RNASE4: variants seen among roughly 807,000 people sequenced by gnomAD.
RNASE4 encodes ribonuclease A family member 4.
For missense variants in RNASE4, 194 were observed against 192.8 expected, an observed-to-expected ratio of 1.01 and a Z score of -0.04; for synonymous variants, 93 against 71.4, an observed-to-expected ratio of 1.30 and a Z score of -1.52.
At chr14:20,695,727 G>C (rs1887072012) in intron 1 of RNASE4, among the ~76,000 whole-genome samples, 1 of 152,208 alleles carries the variant, frequency 6.6e-6, no homozygotes, top group Admixed American at 6.5e-5. Flanking sequence ...AAAAGCCGTG[G>C]CTCCCCAATA....
At chr14:20,694,867 T>TACACAC (rs10625796) in intron 1 of RNASE4, among the ~76,000 whole-genome samples, 12 of 151,286 alleles carry the variant, frequency 7.9e-5, no homozygotes, top group South Asian at 6.3e-4. Context: ...CTCTCACTCT[T>TACACAC]ACACACACAC....
rs1201206102 is a variant in RNASE4, at chr14:20,700,670, C to G, written c.*855C>G. ...CTTGTTTAGTTTATAAACATGCATG[C>G]ACCTTAATAACCTCATAAACTCTGG... is the stretch of plus-strand genomic sequence containing the variant. On this transcript the variant is annotated 3_prime_UTR_variant, in exon 2 of 2. Coordinates refer to ENST00000555835, the MANE Select transcript of RNASE4 (RefSeq NM_002937.5). 1 of 166,812 alleles carries G rather than the reference C, an allele frequency of 6.0e-6. No individual in the cohort carries two copies. Among genetic ancestry groups the G allele is most frequent in the Non-Finnish European group, 1.5e-5 (1 of 68,098 alleles). The allele number at this position is 166,812 out of a possible 1,614,324, so 10.3% of individuals were successfully genotyped here.
At chr14:20,686,412 G>C (rs1886429330) in intron 1 of RNASE4, among the ~76,000 whole-genome samples, 1 of 152,204 alleles carries the variant, frequency 6.6e-6, no homozygotes, top group Non-Finnish European at 1.5e-5. Context: ...TGGTCACTGT[G>C]ACTCAAATTA....
Position 20,699,441 on chromosome 14 carries a change from C to A in RNASE4, c.70C>A (p.Gln24Lys). 2 of 1,612,942 alleles carry A rather than the reference C, an allele frequency of 1.2e-6. No individual in the cohort carries two copies. Among genetic ancestry groups the A allele is most frequent in the African/African-American group, 2.7e-5 (2 of 75,032 alleles). The change falls in exon 2 of 2, where the codon CAG becomes AAG. Residue 24 changes from glutamine to lysine, a missense_variant. By Grantham distance (53) the Gln-to-Lys change is moderately conservative (BLOSUM62 1). Coordinates refer to ENST00000555835, the MANE Select transcript of RNASE4 (RefSeq NM_002937.5). ...GACCCTGCTGGGGCTGGGGCTGGTCCAGCCCTCCTATGGCCAGGATGGCAT... is the reference window on the plus strand; with the variant it reads ...GACCCTGCTGGGGCTGGGGCTGGTCAAGCCCTCCTATGGCCAGGATGGCAT... Reference protein sequence around the residue: ...LLTLLGLGLVQPSYGQDGMYQ... With the variant: ...LLTLLGLGLVKPSYGQDGMYQ...
Position 20,693,555 on chromosome 14 carries a change from G to T in RNASE4, c.-17-5800G>T, listed in dbSNP as rs199509897. The T allele has an allele frequency of 1.9e-6, 3 of 1,611,760 alleles. No individual in the cohort carries two copies. Among genetic ancestry groups the T allele is most frequent in the Non-Finnish European group, 2.5e-6 (3 of 1,180,044 alleles). The stretch of plus-strand genomic sequence containing the variant: ...CCTTTTGCCCTCCGCAGGAGCCTGT[G>T]TTGGAAGAGATGGTGATGGGCCTGG... On this transcript the variant is annotated intron_variant, in intron 1 of 1. Coordinates refer to ENST00000555835, the MANE Select transcript of RNASE4 (RefSeq NM_002937.5).
chr14:20,694,489 A>G (rs554034411), intron 1 of RNASE4, among the ~76,000 whole-genome samples: 26 of 152,006 alleles, frequency 1.7e-4, no homozygotes, highest in Non-Finnish European at 2.1e-4. Context: ...TAGTAGAGAC[A>G]GGGTTTCACC....
chr14:20,694,054 C>T (rs2139026300), intron 1 of RNASE4: 1 of 1,606,086 alleles, frequency 6.2e-7, no homozygotes. Flanking sequence ...CCTTGCCTTC[C>T]ATTTCCCCTC....
At chr14:20,685,424 G>A (rs1886377434) in intron 1 of RNASE4, among the ~76,000 whole-genome samples, 1 of 152,072 alleles carries the variant, frequency 6.6e-6, no homozygotes, top group African/African-American at 2.4e-5. Flanking sequence ...ACCCTCCCTC[G>A]TGACAGTAAA....
At chr14:20,686,740 G>C (rs1451851181) in intron 1 of RNASE4, among the ~76,000 whole-genome samples, 1 of 152,208 alleles carries the variant, frequency 6.6e-6, no homozygotes, top group East Asian at 1.9e-4. Context: ...TGCCACGTGT[G>C]CTTTTCCTTC....
chr14:20,700,091 A>T lies in RNASE4; in HGVS notation c.*276A>T, dbSNP rs1887245671. Reference sequence around the variant, plus strand: ...TCCTATCCTGTGGAATTTAGTTATTATGTGTATTTATGTAGTATTTCAAAC... The same window carrying T: ...TCCTATCCTGTGGAATTTAGTTATTTTGTGTATTTATGTAGTATTTCAAAC... On this transcript the variant is annotated 3_prime_UTR_variant, in exon 2 of 2. Transcript: ENST00000555835. 2.5e-6 allele frequency: 1 copy of T among 402,776 alleles called. No homozygotes were observed. The highest frequency in any genetic ancestry group is 4.7e-6 in the Non-Finnish European group (1 of 214,420). The allele number at this position is 402,776 out of a possible 1,614,324, so 25.0% of individuals were successfully genotyped here.
chr14:20,694,138 T>C (rs911578969), intron 1 of RNASE4: 6 of 978,476 alleles, frequency 6.1e-6, no homozygotes, highest in African/African-American at 3.2e-5. Context: ...TTTTGTTTTC[T>C]GTTTGACAAC....
At chr14:20,693,074 C>T (rs986117024) in intron 1 of RNASE4, among the ~76,000 whole-genome samples, 1 of 151,980 alleles carries the variant, frequency 6.6e-6, no homozygotes, top group African/African-American at 2.4e-5. Context: ...GTCTCGATCT[C>T]CTGACCTCGT....
At chr14:20,690,800 A>C (rs1886704879) in intron 1 of RNASE4, among the ~76,000 whole-genome samples, 1 of 152,246 alleles carries the variant, frequency 6.6e-6, no homozygotes, top group South Asian at 2.1e-4. Context: ...TAAGGGTTAT[A>C]ATAAGGCAAG....
intron 1 of RNASE4, chr14:20,693,476 G>A (rs1357877087): frequency 2.5e-6 from 4 of 1,587,050 alleles, no homozygotes; most frequent in Non-Finnish European, 3.4e-6. Context: ...AGAGAGCAAA[G>A]CTCCTGTCCT....
At chr14:20,690,794 G>T (rs559370219) in intron 1 of RNASE4, among the ~76,000 whole-genome samples, 1 of 152,220 alleles carries the variant, frequency 6.6e-6, no homozygotes, top group Non-Finnish European at 1.5e-5. Flanking sequence ...AAATATTAAG[G>T]GTTATAATAA....
chr14:20,695,105 T>G (rs184685870), intron 1 of RNASE4, among the ~76,000 whole-genome samples: 26 of 152,278 alleles, frequency 1.7e-4, no homozygotes, highest in Admixed American at 1.6e-3. Context: ...GGGGAAGTTA[T>G]AGAAGATTCC....
intron 1 of RNASE4, among the ~76,000 whole-genome samples, chr14:20,692,228 G>C (rs1886794166): frequency 6.6e-6 from 1 of 152,198 alleles, no homozygotes; most frequent in Admixed American, 6.5e-5. Context: ...GAATTTCTCA[G>C]TATGTGTGAT....
At chr14:20,695,507 A>G (rs1241192184) in intron 1 of RNASE4, among the ~76,000 whole-genome samples, 1 of 152,214 alleles carries the variant, frequency 6.6e-6, no homozygotes, top group African/African-American at 2.4e-5. Context: ...CACTCTTTGT[A>G]AAATACACTG....
At chr14:20,699,166 A>T in intron 1 of RNASE4, 189 bp from the exon 2 acceptor site, 2 of 561,154 alleles carry the variant, frequency 3.6e-6, no homozygotes, top group Non-Finnish European at 6.2e-6. Context: ...AGAAAAGATC[A>T]TGTTTGCAAA....
Sources: gnomAD v4.1 joint callset for allele counts (sites outside exome capture counted in the v4.1 genomes callset) on GRCh38, gnomAD v4.1.1 for gene constraint, MANE v1.5 for transcripts, NCBI Gene and HGNC (gene_info 2026-07-23, HGNC 2026-07-21) for gene names.